Variants in IGSF21 observed in about 807,000 individuals in gnomAD.
IGSF21 encodes the protein immunoglobulin superfamily member 21.
IGSF21 carries 28 observed loss-of-function variants against 46.8 expected under a neutral mutation model. The ratio of observed to expected loss-of-function variants is 0.60; its 90% CI spans 0.44 to 0.82. The LOEUF is 0.82. IGSF21 is among the 40% of genes least tolerant of loss of function. The pLI, the probability that IGSF21 is intolerant of heterozygous loss-of-function variation, is 0.00. For synonymous variants in IGSF21, 284 were observed against 273.6 expected, an observed-to-expected ratio of 1.04 and a Z score of -0.38; for missense variants, 624 against 665.5, an observed-to-expected ratio of 0.94 and a Z score of 0.69.
intron 2 of IGSF21, 23 bp from the exon 3 acceptor site, chr1:18,291,843 G>A: frequency 1.2e-6 from 2 of 1,612,384 alleles, no homozygotes; most frequent in Non-Finnish European, 1.7e-6. Flanking sequence ...CTCACGTGTG[G>A]CTATCTCTGT....
chr1:18,208,211 C>T (rs2084351218), intron 1 of IGSF21, among the ~76,000 whole-genome samples: 1 of 151,336 alleles, frequency 6.6e-6, no homozygotes, highest in Non-Finnish European at 1.5e-5. Flanking sequence ...ATGCTGAAAG[C>T]AACCTTCACC....
intron 1 of IGSF21, among the ~76,000 whole-genome samples, chr1:18,168,672 CG>C (rs1199540099): frequency 6.6e-6 from 1 of 152,232 alleles, no homozygotes; most frequent in African/African-American, 2.4e-5. Context: ...AGAAAGGAAT[CG>C]CTCCCTATCC....
At chr1:18,142,279 C>T (rs1261134930) in intron 1 of IGSF21, among the ~76,000 whole-genome samples, 1 of 152,088 alleles carries the variant, frequency 6.6e-6, no homozygotes, top group Admixed American at 6.5e-5. Context: ...CTCACAACAG[C>T]CTATGTAGGA....
intron 2 of IGSF21, among the ~76,000 whole-genome samples, chr1:18,289,093 C>G (rs1169406978): frequency 2.0e-5 from 3 of 152,048 alleles, no homozygotes; most frequent in Non-Finnish European, 2.9e-5. Context: ...TAATAAAACC[C>G]TCAGTCTCGG....
Position 18,376,828 on chromosome 1 carries a change from C to A in IGSF21, c.1130C>A (p.Thr377Lys), listed in dbSNP as rs143221156. 1 of 1,602,414 alleles carries A rather than the reference C, an allele frequency of 6.2e-7. No homozygotes were observed. Among genetic ancestry groups the A allele is most frequent in the South Asian group, 1.1e-5 (1 of 90,406 alleles). Residue 377 changes from threonine to lysine, a missense_variant, in exon 8 of 10, where the codon ACG becomes AAG. Coordinates refer to ENST00000251296, the MANE Select transcript of IGSF21 (RefSeq NM_032880.5). ...GAAGTCTTCCCGGAGCCCATGTTCA[C>A]GTGGACGCGGGTTGGGAGCCGCCTC... ...QNEVFPEPMF[T>K]WTRVGSRLLD... is the part of the protein sequence containing the mutation.
chr1:18,183,410 A>T (rs1359435948), intron 1 of IGSF21, among the ~76,000 whole-genome samples: 2 of 152,206 alleles, frequency 1.3e-5, no homozygotes, highest in African/African-American at 4.8e-5. Flanking sequence ...GTAACAATGA[A>T]TGCAAGTAGA....
intron 1 of IGSF21, among the ~76,000 whole-genome samples, chr1:18,174,738 T>A (rs995557118): frequency 6.6e-6 from 1 of 152,228 alleles, no homozygotes; most frequent in Non-Finnish European, 1.5e-5. Flanking sequence ...TCCCAGCGTT[T>A]CCCCAGGGCT....
chr1:18,238,679 C>A (rs1387103644), intron 2 of IGSF21, among the ~76,000 whole-genome samples: 1 of 152,088 alleles, frequency 6.6e-6, no homozygotes, highest in African/African-American at 2.4e-5. Context: ...TTTTGTTAGA[C>A]CACATGCAGA....
intron 6 of IGSF21, among the ~76,000 whole-genome samples, chr1:18,369,828 C>A (rs11582486): frequency 0.043 from 6,526 of 152,316 alleles, 317 homozygotes; most frequent in African/African-American, 0.11. Context: ...CTCCCCCAAC[C>A]CTTTGAGCTG....
chr1:18,360,916 G>A (rs979610413), intron 4 of IGSF21, among the ~76,000 whole-genome samples: 2 of 152,182 alleles, frequency 1.3e-5, no homozygotes, highest in African/African-American at 4.8e-5. Context: ...TGGTGACCGA[G>A]CTGAGATTCA....
intron 1 of IGSF21, among the ~76,000 whole-genome samples, chr1:18,157,936 G>A (rs2086582718): frequency 6.6e-6 from 1 of 152,288 alleles, no homozygotes; most frequent in Middle Eastern, 3.4e-3. Context: ...CGAGCTTCCT[G>A]AGGGCAGAAG....
chr1:18,228,440 C>T (rs868429588), intron 2 of IGSF21, among the ~76,000 whole-genome samples: 1 of 152,174 alleles, frequency 6.6e-6, no homozygotes, highest in Non-Finnish European at 1.5e-5. Flanking sequence ...AGATAGTCTG[C>T]CACCTAATCT....
intron 3 of IGSF21, among the ~76,000 whole-genome samples, chr1:18,315,217 C>T (rs1027043877): frequency 3.9e-5 from 6 of 152,090 alleles, no homozygotes; most frequent in East Asian, 1.9e-4. Flanking sequence ...AATGCAACAG[C>T]GAGCTGAGAG....
At chr1:18,123,772 C>T (rs1036401740) in intron 1 of IGSF21, among the ~76,000 whole-genome samples, 4 of 151,998 alleles carry the variant, frequency 2.6e-5, no homozygotes, top group Non-Finnish European at 4.4e-5. Context: ...GTGGGAGAGT[C>T]GGGAGGCAGG....
intron 1 of IGSF21, among the ~76,000 whole-genome samples, chr1:18,116,415 G>A (rs754832725): frequency 3.3e-5 from 5 of 152,194 alleles, no homozygotes; most frequent in East Asian, 1.9e-4. Context: ...CAAGACACTC[G>A]CTGTCTGAGT....
chr1:18,272,261 C>T (rs1489212826), intron 2 of IGSF21, among the ~76,000 whole-genome samples: 1 of 149,016 alleles, frequency 6.7e-6, no homozygotes, highest in African/African-American at 2.5e-5. Flanking sequence ...TACCTCTCAC[C>T]AGGTCCCTCC....
intron 3 of IGSF21, among the ~76,000 whole-genome samples, chr1:18,318,465 C>T (rs867880628): frequency 3.1e-4 from 46 of 148,788 alleles, no homozygotes; most frequent in African/African-American, 9.9e-4. Flanking sequence ...TGCGTGCGTG[C>T]GTGTGTGTGT....
At chr1:18,308,174 C>A (rs2085446318) in intron 3 of IGSF21, among the ~76,000 whole-genome samples, 1 of 152,128 alleles carries the variant, frequency 6.6e-6, no homozygotes, top group Admixed American at 6.5e-5. Context: ...CACCCCGGTT[C>A]CCACAGAGCT....
At position 18,309,751 on chromosome 1, in the gene IGSF21, C is replaced by T. The variant is rs574398289; in HGVS notation, c.305+17764C>T. Among the ~76,000 whole-genome samples, 9 of 152,222 alleles carry T rather than the reference C, an allele frequency of 5.9e-5. No homozygotes were observed. In the South Asian group the frequency reaches 1.9e-3, roughly 32 times the overall value. ...GGCAGCAGTCAGCAGGGAGGTGCTG[C>T]GGTCTGACAGAGGAAATACCAGGGT... On this transcript the variant is annotated intron_variant, in intron 3 of 9. Transcript: ENST00000251296.
Sources: gnomAD v4.1 joint callset for allele counts (sites outside exome capture counted in the v4.1 genomes callset) on GRCh38, gnomAD v4.1.1 for gene constraint, MANE v1.5 for transcripts, NCBI Gene and HGNC (gene_info 2026-07-23, HGNC 2026-07-21) for gene names.